GTF2F2: variants seen among roughly 807,000 people sequenced by gnomAD.
The protein encoded by GTF2F2 is ATP-dependent helicase GTF2F2.
A neutral mutation model predicts 42.2 loss-of-function variants in GTF2F2; 23 were observed. The ratio of observed to expected loss-of-function variants is 0.55; its 90% confidence interval spans 0.39 to 0.77. The LOEUF (loss-of-function observed/expected upper bound fraction) is 0.77. Ranked by LOEUF, GTF2F2 falls within the 30% of genes least tolerant of loss-of-function variation. The pLI is 0.00. For synonymous variants in GTF2F2, 105 were observed against 100.8 expected (o/e 1.04, Z -0.25); for missense variants, 261 against 287.2 (o/e 0.91, Z 0.66).
At chr13:45,233,258 A>G (rs1444567578) in intron 5 of GTF2F2, among the ~76,000 whole-genome samples, 2 of 152,184 alleles carry the variant, frequency 1.3e-5, no homozygotes, top group Non-Finnish European at 2.9e-5. Context: ...TCTCTGCAAT[A>G]TAAAAAAACA....
chr13:45,251,563 C>T (rs1403601670), intron 5 of GTF2F2, among the ~76,000 whole-genome samples: 2 of 151,888 alleles, frequency 1.3e-5, no homozygotes, highest in African/African-American at 4.8e-5. Flanking sequence ...CTCTTCCTTC[C>T]CATCTTTCAT....
Position 45,208,019 on chromosome 13 carries a change from G to A in GTF2F2, c.386+514G>A, listed in dbSNP as rs570592131. Among the ~76,000 whole-genome samples the A allele has an allele frequency of 3.9e-5, 6 of 151,958 alleles. No individual in the cohort carries two copies. In the South Asian group the frequency reaches 6.2e-4, roughly 16 times the overall value. ...AAAAAGATAGAAAAATTAGCTGGGC[G>A]TGGCTGAGGTGTGAGGATTGCTTGG... On this transcript the variant is annotated intron_variant, in intron 5 of 7. Coordinates refer to ENST00000340473, the MANE Select transcript of GTF2F2 (RefSeq NM_004128.3).
chr13:45,261,115 G>A (rs1340765871), intron 6 of GTF2F2, among the ~76,000 whole-genome samples: 2 of 152,020 alleles, frequency 1.3e-5, no homozygotes, highest in East Asian at 3.9e-4. Flanking sequence ...AACAGAGTGA[G>A]ACCCCATCTC....
intron 2 of GTF2F2, among the ~76,000 whole-genome samples, chr13:45,139,250 G>C (rs563565895): frequency 6.6e-6 from 1 of 152,288 alleles, no homozygotes; most frequent in East Asian, 1.9e-4. Context: ...AATTGTGCAT[G>C]GATGGGGCAG....
At chr13:45,276,738 G>A (rs1361517744) in intron 7 of GTF2F2, among the ~76,000 whole-genome samples, 35 of 152,174 alleles carry the variant, frequency 2.3e-4, no homozygotes, top group Non-Finnish European at 1.2e-4. Context: ...ACCGCGCCCG[G>A]CCTAATACAG....
At chr13:45,213,844 T>C (rs935174364) in intron 5 of GTF2F2, among the ~76,000 whole-genome samples, 1 of 152,208 alleles carries the variant, frequency 6.6e-6, no homozygotes, top group African/African-American at 2.4e-5. Context: ...TATATGCATA[T>C]TTCTGTGCAC....
At chr13:45,229,305 C>G (rs181148351) in intron 5 of GTF2F2, among the ~76,000 whole-genome samples, 1 of 151,970 alleles carries the variant, frequency 6.6e-6, no homozygotes, top group Non-Finnish European at 1.5e-5. Context: ...TTACTTCCCC[C>G]CACCTCCCAC....
rs773254844 is a variant in GTF2F2, at chr13:45,273,655, A to ATTTTTTTTTT, written c.630+6287_630+6296dup. Among the ~76,000 whole-genome samples the ATTTTTTTTTT allele has an allele frequency of 6.9e-4, 85 of 123,866 alleles. 3 individuals are homozygous for ATTTTTTTTTT. In the South Asian group the frequency reaches 0.018, roughly 26 times the overall value. The allele number at this position is 123,866 out of a possible 152,430, so 81.3% of individuals were successfully genotyped here. ...CCACTTGATTTTAAAGAGTGGTAAA[A>ATTTTTTTTTT]TTTTTTTTTTTTTTTTTGAGACGGA... On this transcript the variant is annotated intron_variant, in intron 7 of 7. Transcript: ENST00000340473.
rs1877355317 is a variant in GTF2F2 at position 45,283,645 on chromosome 13, T to A, written c.*84T>A. On this transcript the variant is annotated 3_prime_UTR_variant, in exon 8 of 8. Coordinates refer to ENST00000340473, the MANE Select transcript of GTF2F2 (RefSeq NM_004128.3). Reference sequence around the variant, plus strand: ...CTGATACTGGAAGGCTTGAACACCGTATGTTAATAGGGGTTAAGTGACAGT... The same window carrying A: ...CTGATACTGGAAGGCTTGAACACCGAATGTTAATAGGGGTTAAGTGACAGT... 1 of 1,182,932 alleles carries A rather than the reference T, an allele frequency of 8.5e-7. No individual in the cohort carries two copies. The highest frequency in any genetic ancestry group is 1.2e-6 in the Non-Finnish European group (1 of 866,242). 73.3% of individuals were successfully genotyped at this position (1,182,932 alleles called of 1,614,324 possible).
chr13:45,189,238 C>CT (rs112595000), intron 4 of GTF2F2, among the ~76,000 whole-genome samples: 29 of 152,002 alleles, frequency 1.9e-4, no homozygotes, highest in Non-Finnish European at 2.5e-4. Flanking sequence ...CAACTTACCC[C>CT]TTTTTTTTGG....
intron 4 of GTF2F2, among the ~76,000 whole-genome samples, chr13:45,173,839 G>C (rs561096027): frequency 6.6e-6 from 1 of 151,694 alleles, no homozygotes; most frequent in Admixed American, 6.6e-5. Flanking sequence ...GGATGGTCTC[G>C]ATCTCCTGAC....
chr13:45,275,684 T>G (rs1251170086), intron 7 of GTF2F2, among the ~76,000 whole-genome samples: 1 of 152,192 alleles, frequency 6.6e-6, no homozygotes, highest in Non-Finnish European at 1.5e-5. Flanking sequence ...TGCCACATTT[T>G]CTTAATCCAG....
Position 45,215,832 on chromosome 13 carries a change from C to G in GTF2F2, c.386+8327C>G, listed in dbSNP as rs1191222086. On this transcript the variant is annotated intron_variant, in intron 5 of 7. Coordinates refer to ENST00000340473, the MANE Select transcript of GTF2F2 (RefSeq NM_004128.3). ...GGGAAACTCAGTGGTAGAGATCACC[C>G]TCTTTCCTCTGAAGAGCCATAGCAG... Among the ~76,000 whole-genome samples, 3 of 152,054 alleles carry G rather than the reference C, an allele frequency of 2.0e-5. No homozygotes were observed. The East Asian group carries it at 5.8e-4, about 29-fold the overall frequency.
chr13:45,236,530 A>ACACAC (rs1566145926), intron 5 of GTF2F2, among the ~76,000 whole-genome samples: 24 of 138,806 alleles, frequency 1.7e-4, no homozygotes, highest in African/African-American at 6.3e-4. Context: ...CACACACACA[A>ACACAC]GTTTATGAGG....
chr13:45,211,320 T>G (rs1690882237), intron 5 of GTF2F2, among the ~76,000 whole-genome samples: 1 of 151,784 alleles, frequency 6.6e-6, no homozygotes, highest in Non-Finnish European at 1.5e-5. Context: ...TCATGAATTA[T>G]TTTATTTACA....
At chr13:45,177,228 C>A (rs1179585702) in intron 4 of GTF2F2, among the ~76,000 whole-genome samples, 1 of 152,026 alleles carries the variant, frequency 6.6e-6, no homozygotes, top group African/African-American at 2.4e-5. Flanking sequence ...CATAAATCAA[C>A]TATTTACTGA....
chr13:45,215,864 C>T (rs1273357635), intron 5 of GTF2F2, among the ~76,000 whole-genome samples: 1 of 152,174 alleles, frequency 6.6e-6, no homozygotes, highest in African/African-American at 2.4e-5. Flanking sequence ...GCAGCTGTCT[C>T]TTTCACAGCC....
At chr13:45,211,586 ATTT>A (rs67901676) in intron 5 of GTF2F2, among the ~76,000 whole-genome samples, 2 of 86,702 alleles carry the variant, frequency 2.3e-5, no homozygotes. Flanking sequence ...AAAAAAAAAA[ATTT>A]TTTTTTTTTT....
chr13:45,176,277 T>C (rs1380790914), intron 4 of GTF2F2, among the ~76,000 whole-genome samples: 2 of 152,208 alleles, frequency 1.3e-5, no homozygotes, highest in African/African-American at 4.8e-5. Context: ...CAGTAGTGTA[T>C]GTAAGTTCTT....
Sources: allele counts gnomAD v4.1 joint callset (sites outside exome capture counted in the v4.1 genomes callset), GRCh38; gene constraint gnomAD v4.1.1; transcripts MANE v1.5; gene names NCBI Gene and HGNC (gene_info 2026-07-23, HGNC 2026-07-21).